The following SLCO3A1 variants were observed in gnomAD, a reference collection of about 807,000 sequenced individuals.
SLCO3A1 encodes solute carrier organic anion transporter family member 3A1, also known as PGE1 transporter.
A neutral mutation model predicts 63.1 loss-of-function variants in SLCO3A1; 27 were observed. The observed-to-expected ratio is 0.43, with a 90% CI of 0.32 to 0.59. The LOEUF is 0.59. Among genes scored for constraint, SLCO3A1 ranks in the 20% least tolerant of loss-of-function variants. The pLI is 0.09. For missense variants in SLCO3A1, 773 were observed against 945.8 expected, an observed-to-expected ratio of 0.82 and a Z score of 2.40; for synonymous variants, 473 against 409.9, an observed-to-expected ratio of 1.15 and a Z score of -1.86.
chr15:92,150,383 T>C (rs1328806232), intron 8 of SLCO3A1, among the ~76,000 whole-genome samples: 2 of 152,188 alleles, frequency 1.3e-5, no homozygotes, highest in East Asian at 1.9e-4. Flanking sequence ...ATCAATACTT[T>C]GCATCCTTCA....
At chr15:92,016,474 A>C (rs1227727308) in intron 2 of SLCO3A1, among the ~76,000 whole-genome samples, 1 of 152,120 alleles carries the variant, frequency 6.6e-6, no homozygotes, top group Non-Finnish European at 1.5e-5. Flanking sequence ...TTGAAGGCTA[A>C]AGGAAGGAAT....
intron 2 of SLCO3A1, among the ~76,000 whole-genome samples, chr15:92,035,564 G>C (rs889966043): frequency 1.3e-5 from 2 of 151,714 alleles, no homozygotes; most frequent in Non-Finnish European, 2.9e-5. Flanking sequence ...ACAACATGAG[G>C]CTAGCTCCTG....
At chr15:92,047,721 A>T (rs930451806) in intron 2 of SLCO3A1, among the ~76,000 whole-genome samples, 1 of 142,560 alleles carries the variant, frequency 7.0e-6, no homozygotes, top group Non-Finnish European at 1.5e-5. Context: ...GTCATTCAAA[A>T]CCTATGTGAT....
chr15:92,041,690 A>C (rs2046798592), intron 2 of SLCO3A1, among the ~76,000 whole-genome samples: 1 of 152,170 alleles, frequency 6.6e-6, no homozygotes, highest in Admixed American at 6.5e-5. Context: ...AGCCTGCCCT[A>C]TTCTTCCCAT....
At chr15:92,143,842 C>T (rs2048183391) in intron 7 of SLCO3A1, among the ~76,000 whole-genome samples, 1 of 152,102 alleles carries the variant, frequency 6.6e-6, no homozygotes, top group Non-Finnish European at 1.5e-5. Context: ...ACTAGACGCC[C>T]CTGGCACAGG....
In SLCO3A1 at chr15:91,917,594, G is replaced by A. The variant is rs543394019; in HGVS notation, c.646+1136G>A. Among the ~76,000 whole-genome samples, 111 of 152,232 alleles carry A rather than the reference G, an allele frequency of 7.3e-4. 1 individual carries two copies. In the South Asian group the frequency reaches 0.022, roughly 30 times the overall value. ...TGGGCAGGAAAGATGGAAGGAATGC[G>A]CCTCTCCATTCAGAGGATGGAGCAC... On this transcript the variant is annotated intron_variant, in intron 2 of 9. Coordinates refer to ENST00000318445, the MANE Select transcript of SLCO3A1 (RefSeq NM_013272.4).
At chr15:91,925,006 T>C (rs767176265) in intron 2 of SLCO3A1, among the ~76,000 whole-genome samples, 1 of 152,184 alleles carries the variant, frequency 6.6e-6, no homozygotes, top group Non-Finnish European at 1.5e-5. Context: ...TGAAAGTCCA[T>C]GTGAGGGAAT....
intron 2 of SLCO3A1, among the ~76,000 whole-genome samples, chr15:92,021,370 G>A (rs182094351): frequency 1.4e-3 from 215 of 152,350 alleles, no homozygotes; most frequent in African/African-American, 5.1e-3. Flanking sequence ...CAGGCCTGCT[G>A]TGCCCCATGA....
At chr15:91,887,140 G>A (rs1242853751) in intron 1 of SLCO3A1, among the ~76,000 whole-genome samples, 3 of 152,222 alleles carry the variant, frequency 2.0e-5, no homozygotes, top group African/African-American at 7.2e-5. Flanking sequence ...GTCATAGACA[G>A]GTTTAGAAGT....
At chr15:91,895,631 T>G (rs1897984411) in intron 1 of SLCO3A1, among the ~76,000 whole-genome samples, 1 of 152,246 alleles carries the variant, frequency 6.6e-6, no homozygotes, top group Non-Finnish European at 1.5e-5. Flanking sequence ...TGATTCATAG[T>G]GCTTCTAGTA....
At chr15:92,146,110 A>G (rs1384922858) in intron 7 of SLCO3A1, among the ~76,000 whole-genome samples, 1 of 152,182 alleles carries the variant, frequency 6.6e-6, no homozygotes, top group African/African-American at 2.4e-5. Flanking sequence ...TGAATCATTT[A>G]TGATTGTTTT....
In SLCO3A1 at chr15:91,865,200, C is replaced by T. The variant is rs752909645; in HGVS notation, c.180+11112C>T. On this transcript the variant is annotated intron_variant, in intron 1 of 9. Coordinates refer to ENST00000318445, the MANE Select transcript of SLCO3A1 (RefSeq NM_013272.4). This position sits in a 1 kb window ranked among gnomAD's most constrained non-coding sequence, Gnocchi z 4.6. ...AGCTCTTTTGTACTTTATTTGGGAA[C>T]AGGAATAAGTGGGGACTTGACATTT... Among the ~76,000 whole-genome samples the T allele has an allele frequency of 1.1e-4, 17 of 152,234 alleles. No individual in the cohort carries two copies. Among genetic ancestry groups the T allele is most frequent in the Non-Finnish European group, 2.5e-4 (17 of 68,042 alleles).
intron 8 of SLCO3A1, chr15:92,149,851 G>A (rs1210860174): frequency 2.6e-5 from 4 of 152,236 alleles, no homozygotes. Flanking sequence ...TTCTTGATAA[G>A]GAGAATTTGT....
At chr15:92,160,912 T>C (rs1315187569) in intron 9 of SLCO3A1, among the ~76,000 whole-genome samples, 2 of 152,300 alleles carry the variant, frequency 1.3e-5, no homozygotes, top group Non-Finnish European at 2.9e-5. Flanking sequence ...CCAGCAATCA[T>C]GGATGGACTT....
At position 92,027,560 on chromosome 15, in the gene SLCO3A1, C is replaced by G. The variant is rs550483369; in HGVS notation, c.647-67321C>G. On this transcript the variant is annotated intron_variant, in intron 2 of 9. Transcript: ENST00000318445. ...TTCACCCGTGCTTTGGCCACAGCACCGCAGTGCTCTCTAAGGACTTCTGTA... is the reference window on the plus strand; with the variant it reads ...TTCACCCGTGCTTTGGCCACAGCACGGCAGTGCTCTCTAAGGACTTCTGTA... Among the ~76,000 whole-genome samples, 35 of 152,302 alleles carry G rather than the reference C, an allele frequency of 2.3e-4. No individual in the cohort carries two copies. The Middle Eastern group carries it at 0.01, about 44-fold the overall frequency.
At chr15:91,891,486 A>G (rs553140371) in intron 1 of SLCO3A1, among the ~76,000 whole-genome samples, 24 of 152,162 alleles carry the variant, frequency 1.6e-4, no homozygotes, top group African/African-American at 4.8e-4. Context: ...CCCATCCCCA[A>G]TTCTCACTCT....
At chr15:92,004,173 A>C (rs1170082974) in intron 2 of SLCO3A1, among the ~76,000 whole-genome samples, 6 of 152,130 alleles carry the variant, frequency 3.9e-5, no homozygotes, top group African/African-American at 1.4e-4. Context: ...ATCACAGGAA[A>C]GGTGGAGAGC....
At chr15:92,012,742 T>TAAAAA in intron 2 of SLCO3A1, among the ~76,000 whole-genome samples, 1 of 126,694 alleles carries the variant, frequency 7.9e-6, no homozygotes, top group Non-Finnish European at 1.6e-5. Context: ...GTCTCTAATT[T>TAAAAA]AAAAAAAAAA....
Position 92,165,615 on chromosome 15 carries a change from G to A in SLCO3A1, c.*2480G>A. The stretch of plus-strand genomic sequence containing the variant: ...ATAACAGGAAGACAACTCCAGGGCT[G>A]AGTTTTATCAGCAATTGGGTATAAA... On this transcript the variant is annotated 3_prime_UTR_variant, in exon 10 of 10. Transcript: ENST00000318445. The A allele has an allele frequency of 1.0e-6, 1 of 985,370 alleles. No individual in the cohort carries two copies. The highest frequency in any genetic ancestry group is 1.2e-6 in the Non-Finnish European group (1 of 829,878). 61.0% of individuals were successfully genotyped at this position (985,370 alleles called of 1,614,324 possible). A position where few individuals can be genotyped will look rare whatever the true frequency, so the allele number is the denominator to read the frequency against.
Sources: gnomAD v4.1 joint callset for allele counts (sites outside exome capture counted in the v4.1 genomes callset) on GRCh38, gnomAD v4.1.1 for gene constraint, Gnocchi (gnomAD v3.1) non-coding constraint, MANE v1.5 for transcripts, NCBI Gene and HGNC (gene_info 2026-07-23, HGNC 2026-07-21) for gene names.